MRC2: variants seen among roughly 807,000 people sequenced by gnomAD.
MRC2 encodes C-type mannose receptor 2.
In MRC2, 84 loss-of-function variants were observed where a neutral mutation model predicts 206.2. That is an observed-to-expected ratio of 0.41 (90% CI 0.34 to 0.49). The LOEUF (loss-of-function observed/expected upper bound fraction) is 0.49. Ranked by LOEUF, MRC2 falls within the 20% of genes least tolerant of loss-of-function variation. The pLI, the probability that MRC2 is intolerant of heterozygous loss-of-function variation, is 0.31. For synonymous variants in MRC2, 798 were observed against 800.0 expected (o/e 1.00, Z 0.04); for missense variants, 1,676 against 2,001.5 (o/e 0.84, Z 3.10).
chr17:62,635,194 T>TC (rs887845963), intron 1 of MRC2, among the ~76,000 whole-genome samples: 3 of 131,092 alleles, frequency 2.3e-5, no homozygotes, highest in Non-Finnish European at 5.0e-5. Context: ...TTTTTCTCTT[T>TC]TTTTTTTTTT....
At chr17:62,678,936 C>A (rs2088927261) in intron 13 of MRC2, among the ~76,000 whole-genome samples, 2 of 152,142 alleles carry the variant, frequency 1.3e-5, no homozygotes, top group Non-Finnish European at 2.9e-5. Flanking sequence ...CACAAACTTA[C>A]ATATGTACCC....
chr17:62,665,975 G>C, intron 2 of MRC2, 119 bp from the exon 3 acceptor site: 1 of 1,081,170 alleles, frequency 9.2e-7, no homozygotes, highest in Admixed American at 2.8e-5. Context: ...TCTCCCACCT[G>C]CTGATCCCTG....
chr17:62,650,114 C>T (rs1050496406), intron 1 of MRC2, among the ~76,000 whole-genome samples: 1 of 152,260 alleles, frequency 6.6e-6, no homozygotes. Context: ...AGGCTGGCCT[C>T]GAACTCTTGG....
At chr17:62,632,016 T>A (rs2084219856) in intron 1 of MRC2, among the ~76,000 whole-genome samples, 1 of 152,060 alleles carries the variant, frequency 6.6e-6, no homozygotes, top group South Asian at 2.1e-4. Flanking sequence ...TGTTCAGGCC[T>A]ACGTGAGATG....
intron 27 of MRC2, 62 bp downstream of exon 27, chr17:62,690,823 C>T: frequency 6.6e-7 from 1 of 1,521,248 alleles, no homozygotes; most frequent in South Asian, 1.3e-5. Context: ...CTGCCCTCCA[C>T]TTTGCCCTGA....
Position 62,674,067 on chromosome 17 carries a change from G to A in MRC2, c.1466G>A (p.Gly489Asp), listed in dbSNP as rs1323893660. 3 of 1,550,772 alleles carry A rather than the reference G, an allele frequency of 1.9e-6. No individual in the cohort carries two copies. The highest frequency in any genetic ancestry group is 2.5e-5 in the East Asian group (1 of 40,764). Residue 489 changes from glycine (G) to aspartate (D), a missense_variant, in exon 9 of 30, where the codon GGC becomes GAC. Coordinates refer to ENST00000303375, the MANE Select transcript of MRC2 (RefSeq NM_006039.5). ...TTCCTCACCCTGTGTCCGTAGGAAGGCCGCTGGAACGACAGTCCCTGTAAC... is the reference window on the plus strand; with the variant it reads ...TTCCTCACCCTGTGTCCGTAGGAAGACCGCTGGAACGACAGTCCCTGTAAC... Reference protein sequence around the residue: ...EDCVTIWGPEGRWNDSPCNQS... With the variant: ...EDCVTIWGPEDRWNDSPCNQS...
In MRC2 at chr17:62,671,586, A is replaced by G; in HGVS notation, c.1118-63A>G. 1 of 1,479,052 alleles carries G rather than the reference A, an allele frequency of 6.8e-7. No homozygotes were observed. Among genetic ancestry groups the G allele is most frequent in the Non-Finnish European group, 9.0e-7 (1 of 1,105,820 alleles). 91.6% of individuals were successfully genotyped at this position (1,479,052 alleles called of 1,614,324 possible). A position where few individuals can be genotyped will look rare whatever the true frequency, so the allele number is the denominator to read the frequency against. ...GCCTCGCCTGTGTTGACGTCAACCC[A>G]GTGGGTTGGTTCCCAGACTGGGCGG... On this transcript the variant is annotated intron_variant, in intron 6 of 29. Transcript: ENST00000303375. The surrounding 1 kb of genome is among the most constrained non-coding windows in gnomAD (Gnocchi z 4.5).
rs768975349 is a variant in MRC2 at position 62,666,171 on chromosome 17, G to A, written c.598G>A (p.Gly200Ser). 6.2e-7 allele frequency: 1 copy of A among 1,602,240 alleles called. No homozygotes were observed. The highest frequency in any genetic ancestry group is 8.5e-7 in the Non-Finnish European group (1 of 1,174,504). The change falls in exon 3 of 30, where the codon GGC becomes AGC. Residue 200 changes from glycine (G) to serine (S), a missense_variant. By Grantham distance (56) the Gly-to-Ser change is moderately conservative. Transcript: ENST00000303375. This position sits in a 1 kb window ranked among gnomAD's most constrained non-coding sequence, Gnocchi z 5.0. Reference sequence around the variant, plus strand: ...CAAATATGACAACCAGTGGTTCCACGGCTGCACCAGCACGGGCCGCGAGGA... The same window carrying A: ...CAAATATGACAACCAGTGGTTCCACAGCTGCACCAGCACGGGCCGCGAGGA... Reference protein sequence around the residue: ...PFKYDNQWFHGCTSTGREDGH... With the variant: ...PFKYDNQWFHSCTSTGREDGH...
intron 1 of MRC2, among the ~76,000 whole-genome samples, chr17:62,643,961 A>C (rs1322668370): frequency 2.0e-5 from 3 of 152,192 alleles, no homozygotes; most frequent in Non-Finnish European, 4.4e-5. Flanking sequence ...TTATGTATAT[A>C]TATGTGTATT....
At chr17:62,650,380 C>T (rs1295355841) in intron 1 of MRC2, among the ~76,000 whole-genome samples, 1 of 152,230 alleles carries the variant, frequency 6.6e-6, no homozygotes, top group Non-Finnish European at 1.5e-5. Context: ...TGGGCAGCTG[C>T]ACCAGCTCTT....
intron 1 of MRC2, among the ~76,000 whole-genome samples, chr17:62,642,328 A>G (rs2088416434): frequency 6.6e-6 from 1 of 152,228 alleles, no homozygotes; most frequent in Non-Finnish European, 1.5e-5. Flanking sequence ...GTTTTTGGAA[A>G]GGGAACTCAT....
rs1207172980 is a variant in MRC2 at position 62,667,491 on chromosome 17, T to A, written c.1075T>A (p.Cys359Ser). The A allele has an allele frequency of 1.2e-5, 19 of 1,612,106 alleles. No homozygotes were observed. Among genetic ancestry groups the A allele is most frequent in the Non-Finnish European group, 1.5e-5 (18 of 1,179,540 alleles). Reference protein sequence around the residue: ...RDCSIALPYVCKKKPNATAEP... With the variant: ...RDCSIALPYVSKKKPNATAEP... ...CTGCAGCATCGCGCTGCCCTATGTGTGCAAGAAGAAGCCCAACGCCACGGC... is the reference window on the plus strand; with the variant it reads ...CTGCAGCATCGCGCTGCCCTATGTGAGCAAGAAGAAGCCCAACGCCACGGC... Residue 359 changes from cysteine to serine, a missense_variant, in exon 6 of 30, where the codon TGC becomes AGC. Cys to Ser is a moderately radical substitution (Grantham distance 112). Coordinates refer to ENST00000303375, the MANE Select transcript of MRC2 (RefSeq NM_006039.5). This position sits in a 1 kb window ranked among gnomAD's most constrained non-coding sequence, Gnocchi z 4.1.
rs1471085385 is a variant in MRC2 at position 62,686,195 on chromosome 17, A to G, written c.2947-2094A>G. Among the ~76,000 whole-genome samples the G allele has an allele frequency of 2.6e-5, 4 of 152,220 alleles. No homozygotes were observed. The South Asian group carries it at 6.2e-4, about 24-fold the overall frequency. The stretch of plus-strand genomic sequence containing the variant: ...TTGGCTGGGCGCGGTGGCTCAGCCT[A>G]TAATCCCAGCACTTTGGGAGGCCTA... On this transcript the variant is annotated intron_variant, in intron 20 of 29. Coordinates refer to ENST00000303375, the MANE Select transcript of MRC2 (RefSeq NM_006039.5).
At chr17:62,673,991 A>C (rs889283055) in intron 8 of MRC2, 72 bp from the exon 9 acceptor site, 124 of 1,203,374 alleles carry the variant, frequency 1.0e-4, no homozygotes, top group Middle Eastern at 1.9e-4. Flanking sequence ...TCTAGGAACC[A>C]GATTCCAAGA....
At position 62,674,232 on chromosome 17, in the gene MRC2, G is replaced by GTTTTTTAAT; in HGVS notation, c.1569+62_1569+63insTTTTTTAAT. 7.1e-6 allele frequency: 9 copies of GTTTTTTAAT among 1,267,982 alleles called. No homozygotes were observed. In the Admixed American group the frequency reaches 7.5e-5, roughly 11 times the overall value. 78.5% of individuals were successfully genotyped at this position (1,267,982 alleles called of 1,614,324 possible). ...CCTGTCAGAGGGGCTACCAGGGGAG[G>GTTTTTTAAT]GAGAGGTGGATGAACTCCTGCTGCC... On this transcript the variant is annotated intron_variant, in intron 9 of 29. Coordinates refer to ENST00000303375, the MANE Select transcript of MRC2 (RefSeq NM_006039.5).
intron 1 of MRC2, among the ~76,000 whole-genome samples, chr17:62,655,167 T>C (rs370728099): frequency 4.6e-4 from 70 of 150,956 alleles, no homozygotes; most frequent in African/African-American, 1.7e-3. Context: ...GCGCCTGTAG[T>C]CCCAGCTACT....
At chr17:62,689,178 G>A (rs980941068) in intron 23 of MRC2, among the ~76,000 whole-genome samples, 4 of 152,094 alleles carry the variant, frequency 2.6e-5, no homozygotes, top group Non-Finnish European at 4.4e-5. Flanking sequence ...TCGTTGGGTC[G>A]GGGGGAGAGC....
At chr17:62,668,045 A>G (rs2088779225) in intron 6 of MRC2, among the ~76,000 whole-genome samples, 1 of 152,172 alleles carries the variant, frequency 6.6e-6, no homozygotes, top group African/African-American at 2.4e-5. Flanking sequence ...GCCTAGAACT[A>G]CACTGCAGCT....
At chr17:62,630,653 A>T (rs1450683530) in intron 1 of MRC2, among the ~76,000 whole-genome samples, 1 of 152,086 alleles carries the variant, frequency 6.6e-6, no homozygotes, top group African/African-American at 2.4e-5. Context: ...GAGCAGAGGA[A>T]TGAGGGGATA....
Sources: allele counts gnomAD v4.1 joint callset (sites outside exome capture counted in the v4.1 genomes callset), GRCh38; gene constraint gnomAD v4.1.1; non-coding constraint Gnocchi (gnomAD v3.1); transcripts MANE v1.5; gene names NCBI Gene and HGNC (gene_info 2026-07-23, HGNC 2026-07-21).